The following FAM163B variants were observed in gnomAD, a reference collection of about 807,000 sequenced individuals.
FAM163B encodes the protein protein FAM163B.
Under a neutral mutation model 7.6 loss-of-function variants are expected in FAM163B, and 4 were observed. The observed-to-expected ratio is 0.52, with a 90% CI of 0.26 to 1.20. The LOEUF is 1.20. FAM163B is among the 50% of genes most tolerant of loss of function. FAM163B has a pLI of 0.14. For missense variants in FAM163B, 250 were observed against 243.0 expected (o/e 1.03, Z -0.19); for synonymous variants, 120 against 111.6 (o/e 1.07, Z -0.47).
rs1035795571 is a variant in FAM163B, at chr9:133,601,592, G to A, written c.-24+7485C>T. 1.3e-5 allele frequency among the ~76,000 whole-genome samples: 2 copies of A among 152,132 alleles called. No homozygotes were observed. The highest frequency in any genetic ancestry group is 2.9e-5 in the Non-Finnish European group (2 of 68,020). ...CATGGGTCAGACGCAGCTACCCCCC[G>A]GACTGCTCCTACACGCTGGCTTGCT... On this transcript the variant is annotated intron_variant, in intron 1 of 2. Transcript: ENST00000673969. This position sits in a 1 kb window ranked among gnomAD's most constrained non-coding sequence, Gnocchi z 4.1.
chr9:133,583,966 C>G (rs1450432462), intron 1 of FAM163B, among the ~76,000 whole-genome samples: 1 of 152,172 alleles, frequency 6.6e-6, no homozygotes, highest in Non-Finnish European at 1.5e-5. Flanking sequence ...CTCCGAGCAG[C>G]TCCCAAAAAC....
Position 133,608,874 on chromosome 9 carries a change from C to T in FAM163B, c.-24+203G>A, listed in dbSNP as rs1588337037. Among the ~76,000 whole-genome samples, 4 of 152,366 alleles carry T rather than the reference C, an allele frequency of 2.6e-5. No homozygotes were observed. In the East Asian group the frequency reaches 7.7e-4, roughly 29 times the overall value. On this transcript the variant is annotated intron_variant, in intron 1 of 2. Coordinates refer to ENST00000673969, the MANE Select transcript of FAM163B (RefSeq NM_001080515.3). ...CTCTCCCTTAGGCCCTCGTGCCCACCTGGGTCTCAGTCTCCTCCTCGGGGA... is the reference window on the plus strand; with the variant it reads ...CTCTCCCTTAGGCCCTCGTGCCCACTTGGGTCTCAGTCTCCTCCTCGGGGA...
intron 1 of FAM163B, among the ~76,000 whole-genome samples, chr9:133,591,082 A>G (rs1397433960): frequency 6.6e-6 from 1 of 152,164 alleles, no homozygotes; most frequent in African/African-American, 2.4e-5. Flanking sequence ...CTGTCTTCCA[A>G]GGCCCAAGCC....
chr9:133,596,566 T>A (rs1831636015), intron 1 of FAM163B, among the ~76,000 whole-genome samples: 1 of 152,078 alleles, frequency 6.6e-6, no homozygotes, highest in African/African-American at 2.4e-5. Context: ...AGGAGGGCCC[T>A]GTGGTGGCCC....
At chr9:133,605,104 C>A (rs1831773934) in intron 1 of FAM163B, among the ~76,000 whole-genome samples, 1 of 152,226 alleles carries the variant, frequency 6.6e-6, no homozygotes, top group Admixed American at 6.5e-5. Context: ...CCCGAGGCCA[C>A]CTTACGGCAG....
chr9:133,594,988 G>A (rs1034159942), intron 1 of FAM163B, among the ~76,000 whole-genome samples: 1 of 152,182 alleles, frequency 6.6e-6, no homozygotes. Flanking sequence ...CAGGGCGTTG[G>A]TGCCTGAGCC....
At chr9:133,579,659 G>A (rs1406695424) in intron 2 of FAM163B, among the ~76,000 whole-genome samples, 1 of 152,250 alleles carries the variant, frequency 6.6e-6, no homozygotes, top group African/African-American at 2.4e-5. Flanking sequence ...CCAGCAACGT[G>A]CAGGTGTGAC....
At chr9:133,592,390 C>T (rs903551202) in intron 1 of FAM163B, among the ~76,000 whole-genome samples, 4 of 152,184 alleles carry the variant, frequency 2.6e-5, no homozygotes, top group African/African-American at 7.2e-5. Context: ...TGCCCCTGGG[C>T]GGCCTGAGAG....
At chr9:133,591,708 G>A (rs1225364431) in intron 1 of FAM163B, among the ~76,000 whole-genome samples, 3 of 152,202 alleles carry the variant, frequency 2.0e-5, no homozygotes, top group Non-Finnish European at 4.4e-5. Flanking sequence ...CACACTGGGG[G>A]AGCACACTGG....
chr9:133,584,064 A>G (rs1348757147), intron 1 of FAM163B, among the ~76,000 whole-genome samples: 5 of 145,470 alleles, frequency 3.4e-5, no homozygotes, highest in African/African-American at 7.8e-5. Context: ...CCCCGGACCT[A>G]CCACGCCATC....
intron 1 of FAM163B, among the ~76,000 whole-genome samples, chr9:133,591,517 T>C (rs974725186): frequency 1.3e-5 from 2 of 152,208 alleles, no homozygotes; most frequent in African/African-American, 4.8e-5. Flanking sequence ...GAGCCCTCCC[T>C]GGTCCAGTCC....
chr9:133,584,030 C>T (rs1312619683), intron 1 of FAM163B, among the ~76,000 whole-genome samples: 1 of 129,754 alleles, frequency 7.7e-6, no homozygotes, highest in African/African-American at 3.3e-5. Context: ...AGCTGTGCCC[C>T]ACCCTCTGGG....
chr9:133,609,218 G>C lies in FAM163B; in HGVS notation c.-165C>G, dbSNP rs1831824207. On this transcript the variant is annotated 5_prime_UTR_variant, in exon 1 of 3. Transcript: ENST00000673969. ...ACGGCGGTGGCGCCTGGTGTGGCTG[G>C]GCGGGCGAGGCGGGCGCTGAGAAGC... Among the ~76,000 whole-genome samples the C allele has an allele frequency of 1.3e-5, 2 of 151,300 alleles. No homozygotes were observed. The highest frequency in any genetic ancestry group is 4.8e-5 in the African/African-American group (2 of 41,346).
chr9:133,579,172 G>T lies in FAM163B; in HGVS notation c.351C>A (p.Gly117=), dbSNP rs757130732. The part of the protein sequence containing the change: ...PPEEEEDVLN[G]GERVLYKSVS... ...CGCTCTTGTAGAGCACGCGCTCCCC[G>T]CCGTTCAGCACGTCCTCTTCCTCCT... Residue 117 remains glycine (G), a synonymous_variant, in exon 3 of 3, where the codon GGC becomes GGA. Coordinates refer to ENST00000673969, the MANE Select transcript of FAM163B (RefSeq NM_001080515.3). 3 of 1,611,232 alleles carry T rather than the reference G, an allele frequency of 1.9e-6. No homozygotes were observed. The highest frequency in any genetic ancestry group is 2.5e-6 in the Non-Finnish European group (3 of 1,179,824).
intron 1 of FAM163B, among the ~76,000 whole-genome samples, chr9:133,581,339 C>T (rs1831352658): frequency 6.6e-6 from 1 of 152,176 alleles, no homozygotes; most frequent in African/African-American, 2.4e-5. Flanking sequence ...GAGCTGGCGC[C>T]ACTTCCCTTC....
chr9:133,596,285 C>T (rs1249420661), intron 1 of FAM163B, among the ~76,000 whole-genome samples: 1 of 152,030 alleles, frequency 6.6e-6, no homozygotes, highest in Non-Finnish European at 1.5e-5. Flanking sequence ...TGTCTGGGAG[C>T]AGCACGGTGG....
rs537082659 is a variant in FAM163B at position 133,600,791 on chromosome 9, G to T, written c.-24+8286C>A. Reference sequence around the variant, plus strand: ...ACTCCTTTCCTCTTCGATTCGGAAGGGACTTTGGAAGATAACTAGTGTAAT... The same window carrying T: ...ACTCCTTTCCTCTTCGATTCGGAAGTGACTTTGGAAGATAACTAGTGTAAT... On this transcript the variant is annotated intron_variant, in intron 1 of 2. Transcript: ENST00000673969. The surrounding 1 kb of genome is among the most constrained non-coding windows in gnomAD (Gnocchi z 4.9). Among the ~76,000 whole-genome samples, 1 of 152,260 alleles carries T rather than the reference G, an allele frequency of 6.6e-6. No homozygotes were observed. Among genetic ancestry groups the T allele is most frequent in the Non-Finnish European group, 1.5e-5 (1 of 68,014 alleles).
rs1393439695 is a variant in FAM163B at position 133,601,588 on chromosome 9, C to G, written c.-24+7489G>C. Among the ~76,000 whole-genome samples, 1 of 152,172 alleles carries G rather than the reference C, an allele frequency of 6.6e-6. No individual in the cohort carries two copies. Among genetic ancestry groups the G allele is most frequent in the Non-Finnish European group, 1.5e-5 (1 of 68,028 alleles). ...GCCACATGGGTCAGACGCAGCTACC[C>G]CCCGGACTGCTCCTACACGCTGGCT... On this transcript the variant is annotated intron_variant, in intron 1 of 2. Transcript: ENST00000673969. The surrounding 1 kb of genome is among the most constrained non-coding windows in gnomAD (Gnocchi z 4.1).
intron 1 of FAM163B, among the ~76,000 whole-genome samples, chr9:133,591,257 C>T (rs1831548214): frequency 6.6e-6 from 1 of 152,244 alleles, no homozygotes; most frequent in Non-Finnish European, 1.5e-5. Context: ...CAGCCCTCTC[C>T]ATCCTGGGTC....
Sources: allele counts gnomAD v4.1 joint callset (sites outside exome capture counted in the v4.1 genomes callset), GRCh38; gene constraint gnomAD v4.1.1; non-coding constraint Gnocchi (gnomAD v3.1); transcripts MANE v1.5; gene names NCBI Gene and HGNC (gene_info 2026-07-23, HGNC 2026-07-21).